MTF1: variants seen among roughly 807,000 people sequenced by gnomAD.
MTF1 encodes the protein MRE-binding transcription factor.
Under a neutral mutation model 70.4 loss-of-function variants are expected in MTF1, and 22 were observed. That is an observed-to-expected ratio of 0.31 (90% CI 0.22 to 0.45). MTF1 has a LOEUF of 0.45. Ranked by LOEUF, MTF1 falls within the 20% of genes least tolerant of loss-of-function variation. The pLI, the probability that MTF1 is intolerant of heterozygous loss-of-function variation, is 1.00. For missense variants in MTF1, 649 were observed against 922.0 expected (o/e 0.70, Z 3.83); for synonymous variants, 333 against 352.8 (o/e 0.94, Z 0.63).
chr1:37,820,998 G>A (rs1640900866), intron 9 of MTF1, among the ~76,000 whole-genome samples: 1 of 152,118 alleles, frequency 6.6e-6, no homozygotes. Flanking sequence ...GGGCAACATG[G>A]CGAAACCCCG....
At chr1:37,854,045 T>C (rs756336570) in intron 2 of MTF1, among the ~76,000 whole-genome samples, 2 of 152,254 alleles carry the variant, frequency 1.3e-5, no homozygotes, top group Non-Finnish European at 2.9e-5. Context: ...TTTGCTCTTG[T>C]TGCCCAGGCT....
At position 37,840,113 on chromosome 1, in the gene MTF1, T is replaced by C. The variant is rs1326809237; in HGVS notation, c.454A>G (p.Ser152Gly). The stretch of plus-strand genomic sequence containing the variant: ...TGGGTTCGCAGGTTGCCTGCTGTGC[T>C]GTAGGTGCGGGGACAGCCCTCAAAG... The part of the protein sequence containing the change: ...CTFEGCPRTY[S>G]TAGNLRTHQK... Residue 152 changes from serine (S) to glycine (G), a missense_variant, in exon 3 of 11, where the codon AGC (serine) becomes GGC (glycine). Physicochemically the swap from Ser to Gly is moderately conservative, Grantham distance 56. Around this residue, in one of 7 missense-constraint regions of MTF1, gnomAD observed 118 missense variants for 287.2 expected, o/e 0.41. Transcript: ENST00000373036. This position sits in a 1 kb window ranked among gnomAD's most constrained non-coding sequence, Gnocchi z 4.5. 1 of 1,614,138 alleles carries C rather than the reference T, an allele frequency of 6.2e-7. No individual in the cohort carries two copies. The highest frequency in any genetic ancestry group is 8.5e-7 in the Non-Finnish European group (1 of 1,180,056).
intron 2 of MTF1, among the ~76,000 whole-genome samples, chr1:37,847,237 A>T (rs1179433353): frequency 6.6e-6 from 1 of 152,116 alleles, no homozygotes; most frequent in African/African-American, 2.4e-5. Context: ...TCAATACCTG[A>T]TTCTTGTATC....
chr1:37,822,759 C>T, intron 8 of MTF1, 43 bp from the exon 9 acceptor site: 1 of 1,420,810 alleles, frequency 7.0e-7, no homozygotes, highest in Non-Finnish European at 9.7e-7. Context: ...ATATCCCAAG[C>T]CTTAGATGAG....
chr1:37,832,363 G>T (rs1641100382), intron 6 of MTF1, 41 bp from the exon 7 acceptor site: 1 of 1,323,462 alleles, frequency 7.6e-7, no homozygotes, highest in South Asian at 1.2e-5. Flanking sequence ...ACAAAAATCA[G>T]GATTTACAGT....
intron 9 of MTF1, among the ~76,000 whole-genome samples, chr1:37,819,410 G>T (rs925041631): frequency 6.6e-6 from 1 of 152,128 alleles, no homozygotes; most frequent in Non-Finnish European, 1.5e-5. Flanking sequence ...ATCACCTGAG[G>T]TCAGGAGTTC....
rs747839080 is a variant in MTF1, at chr1:37,840,454, T to C, written c.409-296A>G. 4.1e-5 allele frequency: 21 copies of C among 508,590 alleles called. No individual in the cohort carries two copies. The highest frequency in any genetic ancestry group is 1.6e-4 in the South Asian group (10 of 64,064). The allele number at this position is 508,590 out of a possible 1,614,324, so 31.5% of individuals were successfully genotyped here. On this transcript the variant is annotated intron_variant, in intron 2 of 10. Coordinates refer to ENST00000373036, the MANE Select transcript of MTF1 (RefSeq NM_005955.3). This position sits in a 1 kb window ranked among gnomAD's most constrained non-coding sequence, Gnocchi z 4.5. ...ACATCTACCCACTAAAAGTACACTA[T>C]ACTGTTACAGCTACCTGTATTCAGA...
chr1:37,831,519 C>G (rs897664667), intron 7 of MTF1, among the ~76,000 whole-genome samples: 2 of 152,182 alleles, frequency 1.3e-5, no homozygotes, highest in Non-Finnish European at 2.9e-5. Context: ...AACCCAAACT[C>G]AAAATTAGTG....
chr1:37,827,301 C>T (rs1170026600), intron 7 of MTF1, among the ~76,000 whole-genome samples: 6 of 151,178 alleles, frequency 4.0e-5, no homozygotes, highest in African/African-American at 1.5e-4. Flanking sequence ...CTAACAACTA[C>T]CACTGAGCAT....
chr1:37,821,838 T>G (rs1640914603), intron 9 of MTF1, among the ~76,000 whole-genome samples: 1 of 152,168 alleles, frequency 6.6e-6, no homozygotes, highest in African/African-American at 2.4e-5. Flanking sequence ...CTGACTGCTT[T>G]TTTATACTAG....
At chr1:37,845,439 G>A (rs1310911544) in intron 2 of MTF1, among the ~76,000 whole-genome samples, 1 of 152,170 alleles carries the variant, frequency 6.6e-6, no homozygotes. Flanking sequence ...AGAGAGGGGA[G>A]GGGGCGGATA....
chr1:37,817,393 C>A (rs1286390897), intron 10 of MTF1, 26 bp downstream of exon 10: 1 of 1,525,540 alleles, frequency 6.6e-7, no homozygotes, highest in East Asian at 2.3e-5. Context: ...GTTGCCTTCT[C>A]TTAAGGCTAA....
intron 5 of MTF1, 114 bp downstream of exon 5, chr1:37,835,557 G>T: frequency 1.3e-6 from 1 of 785,422 alleles, no homozygotes; most frequent in Non-Finnish European, 2.1e-6. Context: ...AGCTAATTAT[G>T]CTCACCTGAA....
chr1:37,835,788 G>C (rs776469286), intron 4 of MTF1, 44 bp from the exon 5 acceptor site: 1 of 1,491,792 alleles, frequency 6.7e-7, no homozygotes, highest in South Asian at 1.1e-5. Flanking sequence ...TTAGCTAATA[G>C]ATCTTTATCC....
At chr1:37,841,168 C>G (rs767252955) in intron 2 of MTF1, 4 of 157,526 alleles carry the variant, frequency 2.5e-5, no homozygotes, top group Non-Finnish European at 4.2e-5. Context: ...CTGGCCAGCA[C>G]ACCAGGTTCA....
At chr1:37,857,016 TG>T (rs1641508396) in intron 2 of MTF1, among the ~76,000 whole-genome samples, 1 of 152,214 alleles carries the variant, frequency 6.6e-6, no homozygotes, top group Non-Finnish European at 1.5e-5. Context: ...ATTTATGATT[TG>T]GGGAAGGAAA....
In MTF1 at chr1:37,835,862, G is replaced by A. The variant is rs532753969; in HGVS notation, c.780-118C>T. 13 of 771,994 alleles carry A rather than the reference G, an allele frequency of 1.7e-5. No homozygotes were observed. In the Middle Eastern group the frequency reaches 9.8e-4, roughly 58 times the overall value. The allele number at this position is 771,994 out of a possible 1,614,324, so 47.8% of individuals were successfully genotyped here. A position where few individuals can be genotyped will look rare whatever the true frequency, so the allele number is the denominator to read the frequency against. On this transcript the variant is annotated intron_variant, in intron 4 of 10. Coordinates refer to ENST00000373036, the MANE Select transcript of MTF1 (RefSeq NM_005955.3). ...GTCCCCAAGGCTGGAGTGCAGTGGC[G>A]CAATCTTGGCTCACTGCAAGCTCCA...
At chr1:37,819,951 C>CA (rs766621404) in intron 9 of MTF1, among the ~76,000 whole-genome samples, 2,896 of 82,108 alleles carry the variant, frequency 0.035, 185 homozygotes, top group Non-Finnish European at 0.039. Flanking sequence ...GACTCTGACT[C>CA]AAAAAAAAAA....
At chr1:37,856,522 T>TAA (rs143578453) in intron 2 of MTF1, among the ~76,000 whole-genome samples, 2,063 of 141,338 alleles carry the variant, frequency 0.015, 22 homozygotes, top group Non-Finnish European at 0.02. Flanking sequence ...TTTTTTTAGA[T>TAA]GGAGTCTCAC....
Sources: allele counts gnomAD v4.1 joint callset (sites outside exome capture counted in the v4.1 genomes callset), GRCh38; gene constraint gnomAD v4.1.1; regional missense constraint gnomAD v4.1.1; non-coding constraint Gnocchi (gnomAD v3.1); transcripts MANE v1.5; gene names NCBI Gene and HGNC (gene_info 2026-07-23, HGNC 2026-07-21).